Variants in KCNQ5 observed in about 807,000 individuals in gnomAD.
KCNQ5 encodes potassium voltage-gated channel subfamily KQT member 5.
A neutral mutation model predicts 98.2 loss-of-function variants in KCNQ5; 30 were observed. The ratio of observed to expected loss-of-function variants is 0.31; its 90% CI spans 0.23 to 0.41. The LOEUF (loss-of-function observed/expected upper bound fraction) is 0.41, where lower values mean the gene tolerates loss of function less well. Among genes scored for constraint, KCNQ5 ranks in the 10% least tolerant of loss-of-function variants. The pLI, the probability that KCNQ5 is intolerant of heterozygous loss-of-function variation, is 1.00. For synonymous variants in KCNQ5, 458 were observed against 449.4 expected, an observed-to-expected ratio of 1.02 and a Z score of -0.24; for missense variants, 835 against 1,182.5, an observed-to-expected ratio of 0.71 and a Z score of 4.31.
At chr6:72,784,747 ATCT>A (rs138868191) in intron 1 of KCNQ5, among the ~76,000 whole-genome samples, 4,885 of 152,302 alleles carry the variant, frequency 0.032, 118 homozygotes, top group Middle Eastern at 0.048. Context: ...ATGGGAAAAG[ATCT>A]TCTTCGAGGA....
At chr6:72,901,974 C>CA (rs1779523938) in intron 1 of KCNQ5, among the ~76,000 whole-genome samples, 1 of 152,106 alleles carries the variant, frequency 6.6e-6, no homozygotes, top group African/African-American at 2.4e-5. Context: ...TCTACCCATC[C>CA]ATGAGCATGG....
In KCNQ5 at chr6:73,194,473, C is replaced by G; in HGVS notation, c.1858C>G (p.Leu620Val). The G allele has an allele frequency of 6.2e-7, 1 of 1,613,640 alleles. No individual in the cohort carries two copies. Among genetic ancestry groups the G allele is most frequent in the African/African-American group, 1.3e-5 (1 of 75,056 alleles). ...EKQVQSIESK[L>V]DCLLDIYQQV... ...CTAGGTACAGTCCATAGAATCCAAGCTGGACTGCCTACTAGACATCTATCA... is the reference window on the plus strand; with the variant it reads ...CTAGGTACAGTCCATAGAATCCAAGGTGGACTGCCTACTAGACATCTATCA... Residue 620 changes from leucine to valine, a missense_variant, in exon 14 of 14, where the codon CTG becomes GTG. Transcript: ENST00000370398.
intron 3 of KCNQ5, among the ~76,000 whole-genome samples, chr6:73,063,581 T>A (rs1772880456): frequency 6.6e-6 from 1 of 152,076 alleles, no homozygotes; most frequent in Admixed American, 6.6e-5. Flanking sequence ...ATTTTATAAG[T>A]AAAGATGGGA....
At position 73,129,404 on chromosome 6, in the gene KCNQ5, A is replaced by G. The variant is rs1301305760; in HGVS notation, c.1248-4017A>G. Among the ~76,000 whole-genome samples, 6 of 152,360 alleles carry G rather than the reference A, an allele frequency of 3.9e-5. No individual in the cohort carries two copies. In the East Asian group the frequency reaches 1.2e-3, roughly 29 times the overall value. ...CAAGAACTTACGTTTTCAAATTTCA[A>G]CAATTAATGTCATGAATTTATTGAT... On this transcript the variant is annotated intron_variant, in intron 9 of 13. Coordinates refer to ENST00000370398, the MANE Select transcript of KCNQ5 (RefSeq NM_019842.4).
rs992667734 is a variant in KCNQ5, at chr6:73,133,352, A to C, written c.1248-69A>C. 8 of 1,385,274 alleles carry C rather than the reference A, an allele frequency of 5.8e-6. No individual in the cohort carries two copies. The East Asian group carries it at 1.9e-4, about 32-fold the overall frequency. The allele number at this position is 1,385,274 out of a possible 1,614,324, so 85.8% of individuals were successfully genotyped here. On this transcript the variant is annotated intron_variant, in intron 9 of 13. Coordinates refer to ENST00000370398, the MANE Select transcript of KCNQ5 (RefSeq NM_019842.4). ...AATATATGACCACATGAGCTTCATC[A>C]AATTACTTACCCAAGCAAAGTGGAA...
At chr6:72,833,612 A>G (rs1776379891) in intron 1 of KCNQ5, among the ~76,000 whole-genome samples, 1 of 152,188 alleles carries the variant, frequency 6.6e-6, no homozygotes, top group Admixed American at 6.5e-5. Flanking sequence ...ATAGAGTTTT[A>G]ACATTAATTA....
chr6:72,906,730 GCA>G (rs1779714234), intron 1 of KCNQ5, among the ~76,000 whole-genome samples: 2 of 152,322 alleles, frequency 1.3e-5, no homozygotes, highest in East Asian at 1.9e-4. Context: ...CCACATTTGG[GCA>G]CACACGGTAT....
At chr6:72,655,004 GT>G (rs1313819421) in intron 1 of KCNQ5, among the ~76,000 whole-genome samples, 1 of 150,820 alleles carries the variant, frequency 6.6e-6, no homozygotes, top group Non-Finnish European at 1.5e-5. Flanking sequence ...TTGTTTCCAT[GT>G]TTAATAGCCA....
chr6:73,051,909 G>A (rs938052937), intron 3 of KCNQ5, among the ~76,000 whole-genome samples: 9 of 152,040 alleles, frequency 5.9e-5, no homozygotes, highest in African/African-American at 2.2e-4. Context: ...ATGACAAAAA[G>A]AGAAATCAGA....
At chr6:72,885,472 A>G (rs915564419) in intron 1 of KCNQ5, among the ~76,000 whole-genome samples, 2 of 152,344 alleles carry the variant, frequency 1.3e-5, no homozygotes, top group East Asian at 1.9e-4. Context: ...AAAGAATTTT[A>G]AATTTTTAAA....
chr6:72,975,680 G>T (rs570863612), intron 1 of KCNQ5, among the ~76,000 whole-genome samples: 1 of 152,300 alleles, frequency 6.6e-6, no homozygotes, highest in East Asian at 1.9e-4. Context: ...ACTGCCAAGA[G>T]TACTTTACTC....
In KCNQ5 at chr6:73,192,561, A is replaced by G; in HGVS notation, c.1710-4A>G. ...CATAATCAGATCTCCTCTTTCTCTG[A>G]TAGTGTTGATCAAATTCTTGGAAAA... On this transcript the variant is annotated splice_polypyrimidine_tract_variant and splice_region_variant and intron_variant, in intron 12 of 13. Transcript: ENST00000370398. The G allele has an allele frequency of 1.2e-6, 2 of 1,606,284 alleles. No individual in the cohort carries two copies. Among genetic ancestry groups the G allele is most frequent in the Non-Finnish European group, 1.7e-6 (2 of 1,176,218 alleles).
chr6:73,020,606 C>T lies in KCNQ5; in HGVS notation c.489+16608C>T, dbSNP rs555228313. ...TCAACTTAACATTCAGCCCCTTTCC[C>T]GTCCTTGGAGGTTGGGTGGTGGGAT... On this transcript the variant is annotated intron_variant, in intron 2 of 13. Coordinates refer to ENST00000370398, the MANE Select transcript of KCNQ5 (RefSeq NM_019842.4). Among the ~76,000 whole-genome samples, 27 of 152,200 alleles carry T rather than the reference C, an allele frequency of 1.8e-4. 1 individual carries two copies. In the South Asian group the frequency reaches 5.2e-3, roughly 29 times the overall value.
intron 1 of KCNQ5, among the ~76,000 whole-genome samples, chr6:72,757,266 G>T (rs908568071): frequency 6.6e-6 from 1 of 152,136 alleles, no homozygotes; most frequent in African/African-American, 2.4e-5. Context: ...AATGCAGTTT[G>T]CCAGCTAAGG....
intron 10 of KCNQ5, among the ~76,000 whole-genome samples, chr6:73,145,762 A>C (rs778398294): frequency 6.6e-6 from 1 of 152,220 alleles, no homozygotes; most frequent in Non-Finnish European, 1.5e-5. Flanking sequence ...GCACACTGCT[A>C]TAAAGAACTA....
chr6:72,887,443 T>A (rs1267899488), intron 1 of KCNQ5, among the ~76,000 whole-genome samples: 1 of 151,660 alleles, frequency 6.6e-6, no homozygotes, highest in African/African-American at 2.4e-5. Context: ...ATTGTGGGAG[T>A]TACAATTCAA....
At chr6:73,066,404 A>C (rs1773060221) in intron 3 of KCNQ5, among the ~76,000 whole-genome samples, 1 of 152,130 alleles carries the variant, frequency 6.6e-6, no homozygotes, top group Non-Finnish European at 1.5e-5. Flanking sequence ...ACCCCAGGAG[A>C]ACATAAGCTC....
At chr6:72,967,859 C>A (rs115687617) in intron 1 of KCNQ5, 1 of 153,782 alleles carries the variant, frequency 6.5e-6, no homozygotes, top group African/African-American at 2.4e-5. Flanking sequence ...GGCCTCCCAA[C>A]GTGTGGAGGT....
At chr6:73,053,897 A>G (rs1050911603) in intron 3 of KCNQ5, among the ~76,000 whole-genome samples, 6 of 152,198 alleles carry the variant, frequency 3.9e-5, no homozygotes, top group Non-Finnish European at 7.3e-5. Flanking sequence ...CAGAAGATCA[A>G]TGAATCCAGG....
Sources: allele counts gnomAD v4.1 joint callset (sites outside exome capture counted in the v4.1 genomes callset), GRCh38; gene constraint gnomAD v4.1.1; transcripts MANE v1.5; gene names NCBI Gene and HGNC (gene_info 2026-07-23, HGNC 2026-07-21).